Variants in PATJ observed in about 807,000 individuals in gnomAD.
PATJ encodes PATJ crumbs cell polarity complex component, also known as inaD-like protein.
A neutral mutation model predicts 224.9 loss-of-function variants in PATJ; 190 were observed. The observed-to-expected ratio is 0.84, with a 90% CI of 0.75 to 0.95. PATJ has a LOEUF of 0.95. Among genes scored for constraint, PATJ ranks in the 40% least tolerant of loss-of-function variants. The probability of loss-of-function intolerance (pLI) is 0.00; values close to 1 mark genes in which losing one functional copy is unlikely to be tolerated. For synonymous variants in PATJ, 769 were observed against 820.3 expected (o/e 0.94, Z 1.07); for missense variants, 2,121 against 2,270.3 (o/e 0.93, Z 1.34).
intron 26 of PATJ, among the ~76,000 whole-genome samples, chr1:61,921,987 A>G (rs1283096702): frequency 6.6e-6 from 1 of 152,158 alleles, no homozygotes; most frequent in Non-Finnish European, 1.5e-5. Flanking sequence ...TGCAGCTTGC[A>G]TTTCTAGTGG....
chr1:61,865,832 C>T (rs980164012), intron 20 of PATJ, among the ~76,000 whole-genome samples: 2 of 152,088 alleles, frequency 1.3e-5, no homozygotes, highest in Admixed American at 6.6e-5. Context: ...CAAAGTGTGG[C>T]TTCAGGTGTT....
At chr1:61,840,110 T>C (rs1228878671) in intron 17 of PATJ, among the ~76,000 whole-genome samples, 9 of 152,016 alleles carry the variant, frequency 5.9e-5, no homozygotes, top group Admixed American at 3.3e-4. Flanking sequence ...TACTGAGTCT[T>C]GAATATAGTA....
intron 31 of PATJ, among the ~76,000 whole-genome samples, chr1:62,062,374 C>T (rs1267667079): frequency 1.4e-5 from 1 of 69,696 alleles, no homozygotes; most frequent in Non-Finnish European, 3.1e-5. Context: ...TGTTGGTTGG[C>T]TGCTTCTATG....
chr1:62,108,393 G>A, intron 33 of PATJ, 44 bp from the exon 34 acceptor site: 1 of 1,220,364 alleles, frequency 8.2e-7, no homozygotes, highest in South Asian at 1.3e-5. Context: ...GCTTAAGGAA[G>A]CATTTGTGGT....
chr1:61,987,698 C>A (rs115899619), intron 27 of PATJ, among the ~76,000 whole-genome samples: 1,614 of 152,242 alleles, frequency 0.011, 30 homozygotes, highest in African/African-American at 0.037. Context: ...TTTCTGATCA[C>A]CCACTCACTA....
At chr1:62,093,801 T>A (rs1661065449) in intron 33 of PATJ, among the ~76,000 whole-genome samples, 1 of 152,200 alleles carries the variant, frequency 6.6e-6, no homozygotes, top group Admixed American at 6.5e-5. Flanking sequence ...TTAAAATAAG[T>A]CTATATTTCT....
intron 40 of PATJ, chr1:62,128,489 A>G (rs1281753485): frequency 1.5e-5 from 4 of 272,566 alleles, no homozygotes; most frequent in Non-Finnish European, 2.1e-5. Flanking sequence ...GTAGAAAAAT[A>G]TAGCAGAAAA....
chr1:61,746,735 A>G (rs35988850), intron 1 of PATJ, among the ~76,000 whole-genome samples: 7,944 of 151,914 alleles, frequency 0.052, 256 homozygotes, highest in Non-Finnish European at 0.07. Context: ...TTCTGTAACT[A>G]TAAAGCTAAC....
At chr1:61,754,733 C>G (rs1177368334) in intron 1 of PATJ, among the ~76,000 whole-genome samples, 1 of 151,916 alleles carries the variant, frequency 6.6e-6, no homozygotes, top group Non-Finnish European at 1.5e-5. Context: ...ATTTTCCAGG[C>G]CTGCTTTGTG....
chr1:61,746,417 G>A (rs1454325273), intron 1 of PATJ, among the ~76,000 whole-genome samples: 14 of 152,302 alleles, frequency 9.2e-5, no homozygotes, highest in African/African-American at 2.9e-4. Context: ...TGGAAAAGCA[G>A]GGGAAGATTA....
At chr1:62,022,538 C>A (rs1377361359) in intron 29 of PATJ, among the ~76,000 whole-genome samples, 2 of 152,106 alleles carry the variant, frequency 1.3e-5, no homozygotes, top group Non-Finnish European at 2.9e-5. Flanking sequence ...AATTTAAGTA[C>A]AAGAGGAGAG....
chr1:61,845,567 G>A (rs1224879202), intron 17 of PATJ, among the ~76,000 whole-genome samples: 6 of 151,926 alleles, frequency 3.9e-5, no homozygotes, highest in South Asian at 2.1e-4. Flanking sequence ...TTTGTCACCC[G>A]AGAGTATAAA....
At chr1:61,975,295 G>A (rs908087644) in intron 27 of PATJ, among the ~76,000 whole-genome samples, 3 of 151,894 alleles carry the variant, frequency 2.0e-5, no homozygotes, top group Admixed American at 6.6e-5. Flanking sequence ...TGCCAAAGTT[G>A]AATCCTTCTT....
At chr1:61,991,149 G>A (rs1244599137) in intron 28 of PATJ, among the ~76,000 whole-genome samples, 1 of 151,942 alleles carries the variant, frequency 6.6e-6, no homozygotes, top group Non-Finnish European at 1.5e-5. Context: ...AAACAGACGT[G>A]AAAAGATATT....
At chr1:62,006,917 G>A (rs1265045843) in intron 28 of PATJ, among the ~76,000 whole-genome samples, 1 of 152,138 alleles carries the variant, frequency 6.6e-6, no homozygotes, top group Admixed American at 6.5e-5. Context: ...AGGCTATGTG[G>A]TATAAGGCTA....
chr1:61,766,777 A>C (rs1423778421), intron 4 of PATJ, among the ~76,000 whole-genome samples: 1 of 152,132 alleles, frequency 6.6e-6, no homozygotes, highest in Non-Finnish European at 1.5e-5. Flanking sequence ...TGACTAATTG[A>C]ACACATCTCT....
At chr1:62,029,691 A>G (rs1327111637) in intron 29 of PATJ, among the ~76,000 whole-genome samples, 1 of 152,230 alleles carries the variant, frequency 6.6e-6, no homozygotes, top group Non-Finnish European at 1.5e-5. Context: ...AGAAATTCAA[A>G]GGAGCAAGCG....
intron 12 of PATJ, among the ~76,000 whole-genome samples, chr1:61,804,817 A>G (rs1164740402): frequency 2.0e-5 from 3 of 152,192 alleles, no homozygotes; most frequent in Non-Finnish European, 4.4e-5. Flanking sequence ...CCACTCAAAA[A>G]AGTCGTAAAG....
At chr1:62,036,499 A>G (rs1486592447) in intron 29 of PATJ, among the ~76,000 whole-genome samples, 1 of 152,144 alleles carries the variant, frequency 6.6e-6, no homozygotes, top group East Asian at 1.9e-4. Context: ...TTTATTTGAG[A>G]TGCGTGTAAG....
Sources: gnomAD v4.1 joint callset for allele counts (sites outside exome capture counted in the v4.1 genomes callset) on GRCh38, gnomAD v4.1.1 for gene constraint, MANE v1.5 for transcripts, NCBI Gene and HGNC (gene_info 2026-07-23, HGNC 2026-07-21) for gene names.